The following KLB variants were observed in gnomAD, a reference collection of about 807,000 sequenced individuals.
KLB encodes the protein klotho beta.
KLB carries 44 observed loss-of-function variants against 88.4 expected under a neutral mutation model. That is an observed-to-expected ratio of 0.50 (90% confidence interval 0.39 to 0.64). The LOEUF is 0.64. Among genes scored for constraint, KLB ranks in the 30% least tolerant of loss-of-function variants. KLB has a pLI of 0.00. For synonymous variants in KLB, 548 were observed against 513.4 expected, an observed-to-expected ratio of 1.07 and a Z score of -0.91; for missense variants, 1,137 against 1,304.8, an observed-to-expected ratio of 0.87 and a Z score of 1.98.
rs778273535 is a variant in KLB at position 39,447,228 on chromosome 4, G to A, written c.2502G>A (p.Glu834=). The stretch of plus-strand genomic sequence containing the variant: ...TCACCACTAGGTTCGTGATGCACGA[G>A]CAGCTGGCCGGCAGCCGCTACGACT... ...NHFTTRFVMH[E]QLAGSRYDSD... is the part of the protein sequence containing the mutation. Residue 834 remains glutamate, a synonymous_variant, in exon 4 of 5, where the codon GAG becomes GAA. Coordinates refer to ENST00000257408, the MANE Select transcript of KLB (RefSeq NM_175737.4). 4.3e-6 allele frequency: 7 copies of A among 1,613,984 alleles called. No individual in the cohort carries two copies. The highest frequency in any genetic ancestry group is 5.9e-6 in the Non-Finnish European group (7 of 1,180,052).
At chr4:39,424,754 T>G (rs1413560548) in intron 1 of KLB, among the ~76,000 whole-genome samples, 1 of 151,908 alleles carries the variant, frequency 6.6e-6, no homozygotes, top group Non-Finnish European at 1.5e-5. Flanking sequence ...TCAGCCTCCC[T>G]GGTAGCTGGG....
intron 3 of KLB, among the ~76,000 whole-genome samples, chr4:39,438,482 A>C (rs1743529239): frequency 6.6e-6 from 1 of 151,950 alleles, no homozygotes; most frequent in Admixed American, 6.6e-5. Flanking sequence ...CTGTCCTCAA[A>C]AGTCACCTTC....
At chr4:39,442,497 G>T (rs539522854) in intron 3 of KLB, among the ~76,000 whole-genome samples, 1 of 147,764 alleles carries the variant, frequency 6.8e-6, no homozygotes, top group Non-Finnish European at 1.5e-5. Context: ...GCAATGGCGC[G>T]ATCCCAGCTT....
chr4:39,446,912 A>T lies in KLB; in HGVS notation c.2186A>T (p.Gln729Leu). The change falls in exon 4 of 5, where the codon CAG becomes CTG. Residue 729 changes from glutamine to leucine, a missense_variant. By Grantham distance (113) the Gln-to-Leu change is moderately radical. This residue lies in a region of KLB where 426 missense variants were observed against 404.6 expected (regional missense o/e 1.05). Transcript: ENST00000257408. This position sits in a 1 kb window ranked among gnomAD's most constrained non-coding sequence, Gnocchi z 6.4. ...CTGGCCTGGCGCCTCTACGACCGGC[A>T]GTTCAGGCCCTCACAGCGCGGGGCC... ...HALAWRLYDR[Q>L]FRPSQRGAVS... is the part of the protein sequence containing the mutation. 2 of 1,605,594 alleles carry T rather than the reference A, an allele frequency of 1.2e-6. No homozygotes were observed.
intron 3 of KLB, among the ~76,000 whole-genome samples, chr4:39,438,534 ACTTCT>A (rs1270158699): frequency 6.6e-6 from 1 of 151,880 alleles, no homozygotes; most frequent in East Asian, 1.9e-4. Flanking sequence ...TCCTCCTATC[ACTTCT>A]CTTCCTCTTT....
At chr4:39,443,381 A>C (rs1743656890) in intron 3 of KLB, among the ~76,000 whole-genome samples, 1 of 151,048 alleles carries the variant, frequency 6.6e-6, no homozygotes, top group South Asian at 2.1e-4. Flanking sequence ...TACTCCCCCC[A>C]AAAAAAAGAA....
intron 1 of KLB, among the ~76,000 whole-genome samples, chr4:39,426,675 C>T (rs17431867): frequency 0.18 from 24,444 of 136,378 alleles, 2,343 homozygotes; most frequent in Non-Finnish European, 0.23. Context: ...GGTCACATAC[C>T]TTAAGCATCC....
In KLB at chr4:39,437,910, GT is replaced by G; in HGVS notation, c.1525del (p.Ser509LeufsTer2). 4 of 1,614,122 alleles carry G rather than the reference GT, an allele frequency of 2.5e-6. No individual in the cohort carries two copies. Among genetic ancestry groups the G allele is most frequent in the Non-Finnish European group, 3.4e-6 (4 of 1,179,976 alleles). On this transcript the variant is annotated frameshift_variant, in exon 3 of 5. Transcript: ENST00000257408. LOFTEE classifies it high-confidence loss of function. The part of the protein sequence containing the change: ...HYYKQIIREN[G>X]FSLKESTPDV... ...TACAAACAGATCATACGAGAAAATG[GT>G]TTTTCTTTAAAAGAGTCCACGCCAG...
chr4:39,439,813 GT>G (rs1463959006), intron 3 of KLB, among the ~76,000 whole-genome samples: 1 of 152,090 alleles, frequency 6.6e-6, no homozygotes, highest in African/African-American at 2.4e-5. Context: ...GACTACAGGC[GT>G]GTGCCACCAC....
intron 1 of KLB, among the ~76,000 whole-genome samples, chr4:39,424,419 G>A (rs968096272): frequency 6.6e-6 from 1 of 151,516 alleles, no homozygotes; most frequent in Non-Finnish European, 1.5e-5. Context: ...AGTCTCTTTA[G>A]GGAATTTGCA....
chr4:39,441,921 ATAAAAT>A (rs149143293), intron 3 of KLB, among the ~76,000 whole-genome samples: 1,593 of 152,300 alleles, frequency 0.01, 27 homozygotes, highest in African/African-American at 0.036. Context: ...AGGGAGACTG[ATAAAAT>A]TAAAGTAATA....
chr4:39,412,957 G>A (rs1396638785), intron 1 of KLB, among the ~76,000 whole-genome samples: 1 of 152,158 alleles, frequency 6.6e-6, no homozygotes, highest in Non-Finnish European at 1.5e-5. Flanking sequence ...TAATCGGGTG[G>A]TATATTAGTC....
chr4:39,424,084 T>C (rs1012556234), intron 1 of KLB, among the ~76,000 whole-genome samples: 3 of 151,756 alleles, frequency 2.0e-5, no homozygotes, highest in African/African-American at 7.3e-5. Flanking sequence ...TTTGTTTTTG[T>C]TTTTGAGACA....
In KLB at chr4:39,446,478, AC is replaced by A. The variant is rs1743749077; in HGVS notation, c.1753del (p.Gln585AsnfsTer8). 6.2e-7 allele frequency: 1 copy of A among 1,614,148 alleles called. No homozygotes were observed. On this transcript the variant is annotated frameshift_variant, in exon 4 of 5. Coordinates refer to ENST00000257408, the MANE Select transcript of KLB (RefSeq NM_175737.4). LOFTEE classifies it high-confidence loss of function. This position sits in a 1 kb window ranked among gnomAD's most constrained non-coding sequence, Gnocchi z 6.4. ...GCACAGATTTTGTAAACATCAAAAA[AC>A]AACTTGAGATGTTGGCAAGAATGAA... ...QCTDFVNIKK[Q>X]LEMLARMKVT... is the part of the protein sequence containing the mutation.
intron 1 of KLB, among the ~76,000 whole-genome samples, chr4:39,428,768 G>A (rs931370968): frequency 1.3e-5 from 2 of 152,158 alleles, no homozygotes; most frequent in Non-Finnish European, 2.9e-5. Context: ...GCGCAGTGGC[G>A]TGATCTCGGC....
intron 1 of KLB, among the ~76,000 whole-genome samples, chr4:39,417,976 GA>G (rs908989643): frequency 5.3e-5 from 8 of 151,880 alleles, no homozygotes; most frequent in East Asian, 1.9e-4. Flanking sequence ...CCGCTTCAAT[GA>G]AAAAAAATTT....
chr4:39,426,937 C>T lies in KLB; in HGVS notation c.826-7273C>T, dbSNP rs147266747. Reference sequence around the variant, plus strand: ...CTCCTGGCCTCAAGTGATCCTCCCACCTCAGCCTCCCAAAGTGCTGAGAGT... The same window carrying T: ...CTCCTGGCCTCAAGTGATCCTCCCATCTCAGCCTCCCAAAGTGCTGAGAGT... On this transcript the variant is annotated intron_variant, in intron 1 of 4. Coordinates refer to ENST00000257408, the MANE Select transcript of KLB (RefSeq NM_175737.4). Among the ~76,000 whole-genome samples, 739 of 152,244 alleles carry T rather than the reference C, an allele frequency of 4.9e-3. 10 individuals carry two copies. The highest frequency in any genetic ancestry group is 0.017 in the African/African-American group (704 of 41,556).
In KLB at chr4:39,446,479, C is replaced by T; in HGVS notation, c.1753C>T (p.Gln585Ter). The T allele has an allele frequency of 6.2e-7, 1 of 1,614,220 alleles. No individual in the cohort carries two copies. The highest frequency in any genetic ancestry group is 8.5e-7 in the Non-Finnish European group (1 of 1,180,046). The part of the protein sequence containing the change: ...QCTDFVNIKK[Q>*]LEMLARMKVT... ...CACAGATTTTGTAAACATCAAAAAA[C>T]AACTTGAGATGTTGGCAAGAATGAA... Residue 585 changes from glutamine (Q) to a stop codon, truncating the protein, a stop_gained, in exon 4 of 5, where the codon CAA (glutamine) becomes TAA (stop). Coordinates refer to ENST00000257408, the MANE Select transcript of KLB (RefSeq NM_175737.4). LOFTEE classifies it high-confidence loss of function. The surrounding 1 kb of genome is among the most constrained non-coding windows in gnomAD (Gnocchi z 6.4).
At chr4:39,422,280 C>T (rs1743105789) in intron 1 of KLB, among the ~76,000 whole-genome samples, 1 of 152,150 alleles carries the variant, frequency 6.6e-6, no homozygotes, top group Non-Finnish European at 1.5e-5. Flanking sequence ...ATATCTTGGG[C>T]AGGTCATTTA....
Sources: allele counts gnomAD v4.1 joint callset (sites outside exome capture counted in the v4.1 genomes callset), GRCh38; gene constraint gnomAD v4.1.1; regional missense constraint gnomAD v4.1.1; non-coding constraint Gnocchi (gnomAD v3.1); transcripts MANE v1.5; gene names NCBI Gene and HGNC (gene_info 2026-07-23, HGNC 2026-07-21).